Variants in KAZN observed in about 807,000 individuals in gnomAD.
The protein encoded by KAZN is kazrin.
In KAZN, 40 loss-of-function variants were observed where a neutral mutation model predicts 87.4. The ratio of observed to expected loss-of-function variants is 0.46; its 90% CI spans 0.36 to 0.60. KAZN has a LOEUF of 0.60. KAZN is among the 20% of genes least tolerant of loss of function. The pLI, the probability that KAZN is intolerant of heterozygous loss-of-function variation, is 0.00. For synonymous variants in KAZN, 466 were observed against 458.3 expected, an observed-to-expected ratio of 1.02 and a Z score of -0.22; for missense variants, 898 against 1,073.9, an observed-to-expected ratio of 0.84 and a Z score of 2.29.
chr1:14,606,483 A>G (rs1677369465), intron 1 of KAZN, among the ~76,000 whole-genome samples: 1 of 152,106 alleles, frequency 6.6e-6, no homozygotes, highest in South Asian at 2.1e-4. Context: ...AAAAAGGACT[A>G]TTTTGATCCT....
chr1:15,091,464 C>T (rs1187414521), intron 8 of KAZN, among the ~76,000 whole-genome samples: 1 of 152,204 alleles, frequency 6.6e-6, no homozygotes, highest in Non-Finnish European at 1.5e-5. Flanking sequence ...CCTGCCTCAG[C>T]CTCTGGAGTA....
At chr1:14,713,188 C>T (rs1642580829) in intron 1 of KAZN, among the ~76,000 whole-genome samples, 1 of 152,172 alleles carries the variant, frequency 6.6e-6, no homozygotes, top group Admixed American at 6.5e-5. Context: ...CTAGCACAGG[C>T]TTGTTTTCAT....
At chr1:14,552,455 C>T (rs1179302968) in intron 2 of KAZN, among the ~76,000 whole-genome samples, 2 of 152,214 alleles carry the variant, frequency 1.3e-5, no homozygotes, top group African/African-American at 4.8e-5. Flanking sequence ...AGTCTGATTC[C>T]AACTGCAGAG....
At chr1:14,541,135 C>T (rs1368092785) in intron 2 of KAZN, among the ~76,000 whole-genome samples, 1 of 152,192 alleles carries the variant, frequency 6.6e-6, no homozygotes, top group Non-Finnish European at 1.5e-5. Flanking sequence ...TCCCAAGATC[C>T]TGCTACTTCC....
At chr1:14,364,559 C>T (rs1337308620) in intron 2 of KAZN, among the ~76,000 whole-genome samples, 1 of 152,146 alleles carries the variant, frequency 6.6e-6, no homozygotes, top group Non-Finnish European at 1.5e-5. Flanking sequence ...GAGGAAACAG[C>T]AAATTTCCCT....
At chr1:14,788,192 C>A (rs565510903) in intron 1 of KAZN, among the ~76,000 whole-genome samples, 3 of 152,290 alleles carry the variant, frequency 2.0e-5, no homozygotes, top group Admixed American at 1.3e-4. Flanking sequence ...TGTCTCAGTG[C>A]TACCATCCTA....
At chr1:14,290,314 C>T (rs1653581668) in intron 2 of KAZN, among the ~76,000 whole-genome samples, 2 of 152,178 alleles carry the variant, frequency 1.3e-5, no homozygotes, top group African/African-American at 2.4e-5. Flanking sequence ...TTAGGTACAC[C>T]AATCAAACAC....
intron 2 of KAZN, among the ~76,000 whole-genome samples, chr1:14,192,484 G>A (rs641343): frequency 0.66 from 100,723 of 151,998 alleles, 33,949 homozygotes; most frequent in African/African-American, 0.79. Flanking sequence ...TAAAGCTACA[G>A]TCATTTAAAA....
At chr1:14,970,625 CGTCCCT>C (rs1182795995) in intron 2 of KAZN, among the ~76,000 whole-genome samples, 3 of 152,218 alleles carry the variant, frequency 2.0e-5, no homozygotes, top group Non-Finnish European at 2.9e-5. Flanking sequence ...TTCCCCCAGG[CGTCCCT>C]GTCCCCCACA....
chr1:14,588,046 G>C (rs971885212), intron 2 of KAZN, among the ~76,000 whole-genome samples: 10 of 152,174 alleles, frequency 6.6e-5, no homozygotes, highest in African/African-American at 2.2e-4. Flanking sequence ...TGCCACTCTT[G>C]AGCTGTAAGA....
At chr1:14,230,854 T>C (rs1647756963) in intron 2 of KAZN, among the ~76,000 whole-genome samples, 1 of 152,100 alleles carries the variant, frequency 6.6e-6, no homozygotes, top group Non-Finnish European at 1.5e-5. Context: ...CACGAGACAG[T>C]TCAGTTTAGT....
intron 2 of KAZN, among the ~76,000 whole-genome samples, chr1:14,344,160 A>G (rs541295288): frequency 3.3e-4 from 31 of 92,798 alleles, no homozygotes; most frequent in African/African-American, 1.6e-3. Flanking sequence ...CCATTCATGT[A>G]TTCTTTTTTT....
At chr1:14,404,129 C>T (rs75245909) in intron 2 of KAZN, among the ~76,000 whole-genome samples, 2,206 of 152,218 alleles carry the variant, frequency 0.014, 62 homozygotes, top group African/African-American at 0.051. Flanking sequence ...AGAGGCTGGT[C>T]GCCCCACCCT....
At chr1:14,622,784 A>G (rs1010698244) in intron 1 of KAZN, among the ~76,000 whole-genome samples, 2 of 151,988 alleles carry the variant, frequency 1.3e-5, no homozygotes, top group African/African-American at 4.8e-5. Flanking sequence ...TTATCCCTTC[A>G]TTCTGATTCT....
chr1:14,738,742 AT>A (rs759982519), intron 1 of KAZN, among the ~76,000 whole-genome samples: 6 of 151,832 alleles, frequency 4.0e-5, no homozygotes, highest in African/African-American at 9.7e-5. Context: ...TATGTACTGG[AT>A]TTTTTTCGTT....
At chr1:13,932,008 ATTTTTTT>A (rs35231877) in intron 1 of KAZN, among the ~76,000 whole-genome samples, 14 of 122,888 alleles carry the variant, frequency 1.1e-4, no homozygotes, top group East Asian at 4.8e-4. Flanking sequence ...GGCTTGGCTA[ATTTTTTT>A]TTTTTTTTTT....
At chr1:14,781,263 A>G (rs909133320) in intron 1 of KAZN, among the ~76,000 whole-genome samples, 1 of 152,254 alleles carries the variant, frequency 6.6e-6, no homozygotes, top group African/African-American at 2.4e-5. Flanking sequence ...CGGAGCTTGC[A>G]GTGAGCCGAG....
chr1:14,477,109 CAT>C (rs772427648), intron 2 of KAZN, among the ~76,000 whole-genome samples: 18 of 152,314 alleles, frequency 1.2e-4, no homozygotes, highest in Non-Finnish European at 1.6e-4. Context: ...ACAATTCCCA[CAT>C]GTCGTGGAAG....
intron 2 of KAZN, among the ~76,000 whole-genome samples, chr1:14,514,605 A>T (rs1484216797): frequency 0.017 from 619 of 35,908 alleles, 6 homozygotes; most frequent in African/African-American, 0.059. Flanking sequence ...TTATATATAT[A>T]TATATATATA....
Sources: allele counts gnomAD v4.1 joint callset (sites outside exome capture counted in the v4.1 genomes callset), GRCh38; gene constraint gnomAD v4.1.1; transcripts MANE v1.5; gene names NCBI Gene and HGNC (gene_info 2026-07-23, HGNC 2026-07-21).